The following HTR1F variants were observed in gnomAD, a reference collection of about 807,000 sequenced individuals.
HTR1F encodes the protein 5-hydroxytryptamine (serotonin) receptor 1F, G protein-coupled.
HTR1F carries 17 observed loss-of-function variants against 24.0 expected under a neutral mutation model. The observed-to-expected ratio is 0.71, with a 90% confidence interval of 0.48 to 1.06. The LOEUF is 1.06. HTR1F is among the 50% of genes least tolerant of loss of function. The pLI, the probability that HTR1F is intolerant of heterozygous loss-of-function variation, is 0.00. For missense variants in HTR1F, 391 were observed against 427.8 expected (o/e 0.91, Z 0.76); for synonymous variants, 186 against 156.8 (o/e 1.19, Z -1.39).
rs1467053508 is a variant in HTR1F at position 87,832,777 on chromosome 3, A to G, written c.-43+10653A>G. Among the ~76,000 whole-genome samples, 3 of 152,200 alleles carry G rather than the reference A, an allele frequency of 2.0e-5. 1 individual carries two copies. Among genetic ancestry groups the G allele is most frequent in the Admixed American group, 1.3e-4 (2 of 15,278 alleles). ...AGTTTCTTTCACATTTCACATTATC[A>G]AGATTACATATTACTAACAAAATAA... On this transcript the variant is annotated intron_variant, in intron 2 of 2. Transcript: ENST00000319595.
chr3:87,862,251 T>A (rs1309553738), intron 2 of HTR1F, among the ~76,000 whole-genome samples: 2 of 152,180 alleles, frequency 1.3e-5, no homozygotes, highest in Non-Finnish European at 2.9e-5. Flanking sequence ...ACATTTTCAA[T>A]GGATATAGAA....
chr3:87,829,632 G>A (rs1018440655), intron 2 of HTR1F, among the ~76,000 whole-genome samples: 15 of 152,140 alleles, frequency 9.9e-5, no homozygotes, highest in Non-Finnish European at 4.4e-5. Flanking sequence ...GCACACTTGT[G>A]TTCCACTCAC....
At chr3:87,930,788 G>A (rs1195604189) in intron 2 of HTR1F, among the ~76,000 whole-genome samples, 2 of 151,896 alleles carry the variant, frequency 1.3e-5, no homozygotes, top group Admixed American at 6.6e-5. Context: ...CATAATTATC[G>A]CTATATACAT....
chr3:87,909,614 G>A (rs1278775786), intron 2 of HTR1F, among the ~76,000 whole-genome samples: 1 of 151,946 alleles, frequency 6.6e-6, no homozygotes, highest in Non-Finnish European at 1.5e-5. Flanking sequence ...AATAAGTTCA[G>A]CTGCATAAAA....
chr3:87,922,929 T>C (rs1187441143), intron 2 of HTR1F, among the ~76,000 whole-genome samples: 3 of 151,454 alleles, frequency 2.0e-5, no homozygotes, highest in African/African-American at 4.8e-5. Context: ...CTTCAACCCA[T>C]TTCGAGTTAA....
At chr3:87,815,571 A>G (rs1340292507) in intron 1 of HTR1F, among the ~76,000 whole-genome samples, 3 of 152,120 alleles carry the variant, frequency 2.0e-5, no homozygotes, top group African/African-American at 7.2e-5. Flanking sequence ...TTTATAGAAG[A>G]GGGAACTGAT....
chr3:87,934,604 A>C (rs1704366876), intron 2 of HTR1F, among the ~76,000 whole-genome samples: 1 of 152,144 alleles, frequency 6.6e-6, no homozygotes, highest in Admixed American at 6.5e-5. Flanking sequence ...ACAAGAAGTC[A>C]CTCCTTTGCT....
chr3:87,869,390 CAGAT>C (rs4038035), intron 2 of HTR1F, among the ~76,000 whole-genome samples: 25,160 of 124,202 alleles, frequency 0.2, 3,142 homozygotes, highest in South Asian at 0.29. Context: ...GATAGACAAA[CAGAT>C]AGATAGATAG....
chr3:87,888,657 G>C (rs1280429859), intron 2 of HTR1F, among the ~76,000 whole-genome samples: 1 of 152,108 alleles, frequency 6.6e-6, no homozygotes, highest in Non-Finnish European at 1.5e-5. Context: ...TAAATAATTA[G>C]TGGCTATAAG....
chr3:87,850,395 C>T (rs1575944121), intron 2 of HTR1F, among the ~76,000 whole-genome samples: 1 of 151,650 alleles, frequency 6.6e-6, no homozygotes, highest in Middle Eastern at 3.4e-3. Context: ...ACTCATAGGT[C>T]GGAATTGAAC....
rs918322263 is a variant in HTR1F at position 87,792,800 on chromosome 3, G to A, written c.-202G>A. ...TGCCCTCCCGCGCCCCGGGGCTGGGGGCGCCACCTTGCCAGCTCCGACTGC... is the reference window on the plus strand; with the variant it reads ...TGCCCTCCCGCGCCCCGGGGCTGGGAGCGCCACCTTGCCAGCTCCGACTGC... On this transcript the variant is annotated 5_prime_UTR_variant, in exon 1 of 3. Transcript: ENST00000319595. Among the ~76,000 whole-genome samples the A allele has an allele frequency of 3.9e-5, 6 of 152,314 alleles. No homozygotes were observed. The highest frequency in any genetic ancestry group is 7.4e-5 in the Non-Finnish European group (5 of 68,020).
rs554282054 is a variant in HTR1F, at chr3:87,865,393, A to T, written c.-43+43269A>T. Among the ~76,000 whole-genome samples the T allele has an allele frequency of 9.9e-5, 15 of 152,276 alleles. No individual in the cohort carries two copies. In the South Asian group the frequency reaches 3.1e-3, roughly 32 times the overall value. ...GAATTTTTCTCAAGATAAACAGACC[A>T]TAGTAGCCAGCAACCAGATCAGGAA... On this transcript the variant is annotated intron_variant, in intron 2 of 2. Coordinates refer to ENST00000319595, the MANE Select transcript of HTR1F (RefSeq NM_001322209.2).
intron 2 of HTR1F, among the ~76,000 whole-genome samples, chr3:87,910,888 G>C (rs1317460786): frequency 6.6e-6 from 1 of 151,802 alleles, no homozygotes; most frequent in Non-Finnish European, 1.5e-5. Context: ...TAAATAATGA[G>C]ATTAAGGCAG....
chr3:87,867,437 GA>G (rs1298188716), intron 2 of HTR1F, among the ~76,000 whole-genome samples: 13 of 151,268 alleles, frequency 8.6e-5, no homozygotes, highest in East Asian at 1.9e-4. Context: ...AAAATGGGGG[GA>G]AAAAACAAGA....
chr3:87,870,512 C>T (rs914642069), intron 2 of HTR1F, among the ~76,000 whole-genome samples: 25 of 152,062 alleles, frequency 1.6e-4, no homozygotes, highest in African/African-American at 5.1e-4. Context: ...TAGCCCTCCA[C>T]AAACCAGCAC....
In HTR1F at chr3:87,822,121, T is replaced by C. The variant is rs368680205; in HGVS notation, c.-46T>C. Among the ~76,000 whole-genome samples the C allele has an allele frequency of 5.3e-5, 8 of 152,170 alleles. No individual in the cohort carries two copies. The highest frequency in any genetic ancestry group is 1.7e-4 in the African/African-American group (7 of 41,440). ...AAACCCACAATTCAATCTACCACAG[T>C]ATGGTAAGCATTCCCAGCTTTAAAC... On this transcript the variant is annotated 5_prime_UTR_variant, in exon 2 of 3. Transcript: ENST00000319595.
chr3:87,853,198 C>G (rs1432160634), intron 2 of HTR1F, among the ~76,000 whole-genome samples: 1 of 149,584 alleles, frequency 6.7e-6, no homozygotes, highest in Non-Finnish European at 1.5e-5. Flanking sequence ...AGTTATTTTT[C>G]CAGATCCTCT....
intron 2 of HTR1F, among the ~76,000 whole-genome samples, chr3:87,826,540 A>G (rs916513735): frequency 5.3e-5 from 8 of 152,122 alleles, no homozygotes; most frequent in African/African-American, 1.9e-4. Flanking sequence ...CTGCTTATAC[A>G]TCCCGTAAAC....
chr3:87,882,512 G>A (rs1379514752), intron 2 of HTR1F, among the ~76,000 whole-genome samples: 2 of 152,056 alleles, frequency 1.3e-5, no homozygotes, highest in Non-Finnish European at 2.9e-5. Flanking sequence ...ATACACCATG[G>A]AATACTATGC....
Sources: gnomAD v4.1 joint callset for allele counts (sites outside exome capture counted in the v4.1 genomes callset) on GRCh38, gnomAD v4.1.1 for gene constraint, MANE v1.5 for transcripts, NCBI Gene and HGNC (gene_info 2026-07-23, HGNC 2026-07-21) for gene names.